Variants in SLC9A7 observed in about 807,000 individuals in gnomAD.
The protein encoded by SLC9A7 is sodium/hydrogen exchanger 7.
A neutral mutation model predicts 52.6 loss-of-function variants in SLC9A7; 19 were observed. The ratio of observed to expected loss-of-function variants is 0.36; its 90% CI spans 0.25 to 0.53. The LOEUF is 0.53. SLC9A7 is among the 20% of genes least tolerant of loss of function. The pLI, the probability that SLC9A7 is intolerant of heterozygous loss-of-function variation, is 0.91. For missense variants in SLC9A7, 455 were observed against 597.9 expected, an observed-to-expected ratio of 0.76 and a Z score of 2.49; for synonymous variants, 226 against 252.1, an observed-to-expected ratio of 0.90 and a Z score of 0.98.
intron 1 of SLC9A7, among the ~76,000 whole-genome samples, chrX:46,736,380 A>T (rs1225462026): frequency 8.9e-6 from 1 of 111,903 alleles, no homozygotes; most frequent in East Asian, 2.8e-4. Flanking sequence ...TATTAATCAT[A>T]GTTTAAAAAA....
chrX:46,674,673 T>C (rs1179498505), intron 3 of SLC9A7, among the ~76,000 whole-genome samples: 1 of 111,745 alleles, frequency 8.9e-6, no homozygotes, highest in Admixed American at 9.5e-5. Context: ...TTCCCACTTC[T>C]CTTTGGGAAA....
chrX:46,668,237 C>T (rs1012116884), intron 5 of SLC9A7, among the ~76,000 whole-genome samples: 14 of 112,118 alleles, frequency 1.2e-4, no homozygotes, highest in East Asian at 2.8e-4. Context: ...CAGCCGGGCA[C>T]GGTGGCTCAC....
chrX:46,667,880 A>G (rs1943946576), intron 5 of SLC9A7, among the ~76,000 whole-genome samples: 1 of 111,965 alleles, frequency 8.9e-6, no homozygotes, highest in African/African-American at 3.3e-5. Context: ...TTCAACTTGG[A>G]AAGGAGAACT....
chrX:46,708,796 G>A (rs958265597), intron 1 of SLC9A7, among the ~76,000 whole-genome samples: 8 of 111,184 alleles, frequency 7.2e-5, no homozygotes, highest in Non-Finnish European at 1.5e-4. Flanking sequence ...AGAAATCTAG[G>A]ATTGGTGATG....
chrX:46,619,867 G>A (rs192495321), intron 15 of SLC9A7, among the ~76,000 whole-genome samples: 3 of 110,424 alleles, frequency 2.7e-5, no homozygotes, highest in East Asian at 2.9e-4. Context: ...TAATTCCTGG[G>A]CTCAAGTGAT....
chrX:46,659,825 T>A (rs1943779910), intron 7 of SLC9A7, among the ~76,000 whole-genome samples: 2 of 87,625 alleles, frequency 2.3e-5, no homozygotes, highest in Non-Finnish European at 4.4e-5. Flanking sequence ...TTCAATGCCA[T>A]CCCCATCAAG....
intron 14 of SLC9A7, among the ~76,000 whole-genome samples, chrX:46,621,848 C>T (rs751018700): frequency 5.3e-5 from 6 of 112,324 alleles, no homozygotes; most frequent in Non-Finnish European, 1.1e-4. Flanking sequence ...ACTACTAGGG[C>T]TGTGCAAGCA....
At chrX:46,613,931 A>G (rs1183648100) in intron 15 of SLC9A7, among the ~76,000 whole-genome samples, 1 of 112,154 alleles carries the variant, frequency 8.9e-6, no homozygotes, top group East Asian at 2.8e-4. Flanking sequence ...ACTTGGCAAC[A>G]TGAAATGATT....
At chrX:46,613,907 A>G (rs1048189101) in intron 15 of SLC9A7, among the ~76,000 whole-genome samples, 11 of 111,978 alleles carry the variant, frequency 9.8e-5, no homozygotes, top group Non-Finnish European at 2.1e-4. Context: ...GCTACTATAA[A>G]GGCAGAAATT....
intron 15 of SLC9A7, among the ~76,000 whole-genome samples, chrX:46,618,837 G>A (rs957774870): frequency 3.6e-5 from 4 of 109,732 alleles, no homozygotes; most frequent in Admixed American, 1.9e-4. Context: ...CCAGCTACTC[G>A]GGAGGCTAAG....
At chrX:46,613,166 C>T (rs775093852) in intron 16 of SLC9A7, 123 bp downstream of exon 16, 1 of 396,232 alleles carries the variant, frequency 2.5e-6, no homozygotes, top group Non-Finnish European at 4.3e-6. Flanking sequence ...CATTTCTAAT[C>T]AGCTTATTAG....
At chrX:46,754,688 G>A (rs1922510821) in intron 1 of SLC9A7, among the ~76,000 whole-genome samples, 1 of 111,515 alleles carries the variant, frequency 9.0e-6, no homozygotes, top group South Asian at 3.8e-4. Context: ...AAAGGTGATG[G>A]GGTGGTGGAG....
At chrX:46,671,913 G>A (rs1944030869) in intron 4 of SLC9A7, among the ~76,000 whole-genome samples, 1 of 111,804 alleles carries the variant, frequency 8.9e-6, no homozygotes. Flanking sequence ...AGAGGGAGTG[G>A]GAGGGGACTG....
intron 7 of SLC9A7, 111 bp from the exon 8 acceptor site, chrX:46,653,825 CTTTTT>C (rs370041978): frequency 9.7e-6 from 4 of 413,724 alleles, no homozygotes; most frequent in Non-Finnish European, 1.6e-5. Context: ...TCCCTTCAAC[CTTTTT>C]TTTTTTTTGG....
chrX:46,679,818 C>T, intron 2 of SLC9A7, 63 bp from the exon 3 acceptor site: 1 of 699,764 alleles, frequency 1.4e-6, no homozygotes, highest in South Asian at 2.6e-5. Flanking sequence ...GCTATAATAT[C>T]TGCTTAATAT....
intron 1 of SLC9A7, chrX:46,725,495 A>G: frequency 1.0e-6 from 1 of 1,005,008 alleles, no homozygotes; most frequent in African/African-American, 1.9e-5. Context: ...CCAGTTTCAT[A>G]GCATCAACCG....
chrX:46,637,580 C>A (rs1943342081), intron 12 of SLC9A7, among the ~76,000 whole-genome samples: 1 of 111,448 alleles, frequency 9.0e-6, no homozygotes, highest in African/African-American at 3.3e-5. Context: ...TTCCACCGCC[C>A]CCCCAACCCA....
intron 1 of SLC9A7, among the ~76,000 whole-genome samples, chrX:46,704,927 G>C (rs765215990): frequency 3.6e-5 from 4 of 111,989 alleles, no homozygotes; most frequent in African/African-American, 1.3e-4. Flanking sequence ...CCACAAAACA[G>C]AGGCATAAAA....
intron 3 of SLC9A7, among the ~76,000 whole-genome samples, chrX:46,674,476 A>G (rs753684097): frequency 8.9e-6 from 1 of 111,782 alleles, no homozygotes; most frequent in Non-Finnish European, 1.9e-5. Flanking sequence ...TCCAATTCTC[A>G]CAATGATCTA....
Sources: allele counts gnomAD v4.1 joint callset (sites outside exome capture counted in the v4.1 genomes callset), GRCh38; gene constraint gnomAD v4.1.1; transcripts MANE v1.5; gene names NCBI Gene and HGNC (gene_info 2026-07-23, HGNC 2026-07-21).